The following PARP2 variants were observed in gnomAD, a reference collection of about 807,000 sequenced individuals.
PARP2 encodes the protein poly(ADP-ribose) polymerase 2.
In PARP2, 57 loss-of-function variants were observed where a neutral mutation model predicts 77.8. That is an observed-to-expected ratio of 0.73 (90% CI 0.59 to 0.91). The LOEUF (loss-of-function observed/expected upper bound fraction) is 0.91, where lower values mean the gene tolerates loss of function less well. Among genes scored for constraint, PARP2 ranks in the 40% least tolerant of loss-of-function variants. PARP2 has a pLI of 0.00. For missense variants in PARP2, 651 were observed against 689.0 expected (o/e 0.94, Z 0.62); for synonymous variants, 226 against 242.6 (o/e 0.93, Z 0.64).
chr14:20,353,999 A>G (rs1353335622), intron 7 of PARP2, 86 bp from the exon 8 acceptor site: 8 of 1,090,442 alleles, frequency 7.3e-6, no homozygotes, highest in Admixed American at 2.0e-5. Flanking sequence ...TTTACAAAGC[A>G]TTTACATTGT....
chr14:20,354,753 T>A, intron 8 of PARP2, 56 bp from the exon 9 acceptor site: 1 of 1,522,086 alleles, frequency 6.6e-7, no homozygotes, highest in Middle Eastern at 1.8e-4. Flanking sequence ...GGATGTTAAG[T>A]ACAGTTCACT....
rs1048697786 is a variant in PARP2 at position 20,345,413 on chromosome 14, G to A, written c.222G>A (p.Leu74=). ...CCTCAGAATCTGTGAAGGCCTTGCT[G>A]TTAAAGGGCAAAGCTCCTGTGGACC... is the stretch of plus-strand genomic sequence containing the variant. ...DKQDESVKAL[L]LKGKAPVDPE... The change falls in exon 3 of 16, where the codon CTG becomes CTA. Residue 74 remains leucine, a synonymous_variant. Coordinates refer to ENST00000429687, the MANE Select transcript of PARP2 (RefSeq NM_001042618.2). 1 of 1,613,780 alleles carries A rather than the reference G, an allele frequency of 6.2e-7. No homozygotes were observed. Among genetic ancestry groups the A allele is most frequent in the African/African-American group, 1.3e-5 (1 of 74,906 alleles).
intron 9 of PARP2, 112 bp downstream of exon 9, chr14:20,355,059 T>C (rs766065089): frequency 3.9e-6 from 4 of 1,026,930 alleles, no homozygotes; most frequent in Non-Finnish European, 5.7e-6. Flanking sequence ...AATGATCGTC[T>C]TGAATAGGTA....
At chr14:20,355,871 A>G (rs1254150170) in intron 10 of PARP2, 26 bp from the exon 11 acceptor site, 2 of 1,613,988 alleles carry the variant, frequency 1.2e-6, no homozygotes, top group Non-Finnish European at 1.7e-6. Context: ...GTCCTCCCAC[A>G]TTGATTCTAT....
chr14:20,356,816 C>T (rs552913228), intron 13 of PARP2, 127 bp downstream of exon 13: 59 of 760,236 alleles, frequency 7.8e-5, no homozygotes, highest in Non-Finnish European at 1.1e-4. Flanking sequence ...CACTGATAAC[C>T]TTGTCATCTC....
At chr14:20,351,022 C>A (rs375924407) in intron 5 of PARP2, 25 bp from the exon 6 acceptor site, 19 of 1,595,230 alleles carry the variant, frequency 1.2e-5, no homozygotes, top group Non-Finnish European at 1.5e-5. Flanking sequence ...AGGGAACTAT[C>A]TTATGTGTGG....
rs1209544076 is a variant in PARP2, at chr14:20,345,040, T to A, written c.155T>A (p.Val52Glu). ...AGACAGGAGTCGAAAAAGATGCCTG[T>A]GGCTGGAGGAAAAGCTAATAAGGAC... ...CQRQESKKMP[V>E]AGGKANKDRT... Residue 52 changes from valine to glutamate, a missense_variant, in exon 2 of 16, where the codon GTG becomes GAG. Transcript: ENST00000429687. The A allele has an allele frequency of 2.5e-6, 4 of 1,614,078 alleles. No homozygotes were observed. The Admixed American group carries it at 5.0e-5, about 20-fold the overall frequency.
chr14:20,347,542 A>G (rs1883812948), intron 4 of PARP2, among the ~76,000 whole-genome samples: 1 of 146,032 alleles, frequency 6.8e-6, no homozygotes, highest in Non-Finnish European at 1.5e-5. Flanking sequence ...CAGCCTCCCA[A>G]GTAGCTGGGA....
At position 20,357,806 on chromosome 14, in the gene PARP2, A is replaced by G. The variant is rs2700; in HGVS notation, c.*9A>G. 6.2e-7 allele frequency: 1 copy of G among 1,607,438 alleles called. No individual in the cohort carries two copies. Among genetic ancestry groups the G allele is most frequent in the Admixed American group, 1.7e-5 (1 of 58,762 alleles). The stretch of plus-strand genomic sequence containing the variant: ...TCCTTCAGCTGTGGTGAATGTTGAT[A>G]TTAAATAAACCAGAGATCTGATCTT... On this transcript the variant is annotated 3_prime_UTR_variant, in exon 16 of 16. Transcript: ENST00000429687.
At chr14:20,344,532 A>G (rs1443107848) in intron 1 of PARP2, among the ~76,000 whole-genome samples, 1 of 152,230 alleles carries the variant, frequency 6.6e-6, no homozygotes, top group Non-Finnish European at 1.5e-5. Flanking sequence ...AAATTATCTT[A>G]AACCGGCGGG....
At chr14:20,355,621 T>A in intron 9 of PARP2, 131 bp from the exon 10 acceptor site, 1 of 632,530 alleles carries the variant, frequency 1.6e-6, no homozygotes, top group Non-Finnish European at 2.8e-6. Context: ...CAGATCTCTT[T>A]CTCTCTCAAA....
intron 11 of PARP2, 106 bp downstream of exon 11, chr14:20,356,137 C>A: frequency 3.4e-6 from 5 of 1,450,540 alleles, no homozygotes; most frequent in Non-Finnish European, 4.7e-6. Flanking sequence ...TCAATTAGGG[C>A]AGACTTTTTA....
At chr14:20,356,497 A>G (rs1884157652) in intron 12 of PARP2, 63 bp downstream of exon 12, 1 of 1,610,568 alleles carries the variant, frequency 6.2e-7, no homozygotes, top group Admixed American at 1.7e-5. Flanking sequence ...TGTAGAACTT[A>G]TAAGAGGGAG....
At chr14:20,347,356 G>GTGTGTGTGTGTATATATA (rs1168423656) in intron 4 of PARP2, among the ~76,000 whole-genome samples, 1 of 29,562 alleles carries the variant, frequency 3.4e-5, no homozygotes, top group Non-Finnish European at 5.4e-5. Context: ...ATGTGTGTGT[G>GTGTGTGTGTGTATATATA]TATATATATA....
At position 20,347,354 on chromosome 14, in the gene PARP2, G is replaced by GTGTGTA. The variant is rs1435294191; in HGVS notation, c.324+444_324+445insGTATGT. 6.5e-3 allele frequency among the ~76,000 whole-genome samples: 286 copies of GTGTGTA among 43,892 alleles called. 5 individuals are homozygous for GTGTGTA. Among genetic ancestry groups the GTGTGTA allele is most frequent in the Non-Finnish European group, 8.2e-3 (234 of 28,658 alleles). The allele number at this position is 43,892 out of a possible 152,430, so 28.8% of individuals were successfully genotyped here. ...TGCCTAAAGTCCTTCATATGTGTGTGTGTATATATATATATATATATATAT... is the reference window on the plus strand; with the variant it reads ...TGCCTAAAGTCCTTCATATGTGTGTGTGTGTATGTATATATATATATATATATATAT... On this transcript the variant is annotated intron_variant, in intron 4 of 15. Transcript: ENST00000429687.
intron 8 of PARP2, 108 bp downstream of exon 8, chr14:20,354,355 G>A (rs753342925): frequency 1.6e-4 from 154 of 947,082 alleles, no homozygotes; most frequent in Non-Finnish European, 2.3e-4. Flanking sequence ...ACTGAATGAA[G>A]AAAATGGGAT....
intron 4 of PARP2, among the ~76,000 whole-genome samples, chr14:20,348,927 G>A (rs972568680): frequency 2.6e-5 from 4 of 151,998 alleles, no homozygotes; most frequent in East Asian, 1.9e-4. Flanking sequence ...GTTGAGGCAC[G>A]AGAATTGCTT....
intron 13 of PARP2, 26 bp from the exon 14 acceptor site, chr14:20,357,024 AC>A (rs1884180297): frequency 2.1e-6 from 3 of 1,403,152 alleles, no homozygotes; most frequent in South Asian, 1.2e-5. Context: ...TTAGAAGCTG[AC>A]CTTGGTATTC....
intron 1 of PARP2, 145 bp from the exon 2 acceptor site, chr14:20,344,787 T>C: frequency 1.6e-6 from 1 of 623,016 alleles, no homozygotes; most frequent in Non-Finnish European, 2.8e-6. Flanking sequence ...CAGTCCAGCC[T>C]GGGCGAGAGA....
Sources: gnomAD v4.1 joint callset for allele counts (sites outside exome capture counted in the v4.1 genomes callset) on GRCh38, gnomAD v4.1.1 for gene constraint, MANE v1.5 for transcripts, NCBI Gene and HGNC (gene_info 2026-07-23, HGNC 2026-07-21) for gene names.